The following NR3C2 variants were observed in gnomAD, a reference collection of about 807,000 sequenced individuals.
NR3C2 encodes nuclear receptor subfamily 3 group C member 2.
NR3C2 carries 15 observed loss-of-function variants against 86.4 expected under a neutral mutation model. The observed-to-expected ratio is 0.17, with a 90% CI of 0.12 to 0.27. The LOEUF (loss-of-function observed/expected upper bound fraction) is 0.27. Among genes scored for constraint, NR3C2 ranks in the 10% least tolerant of loss-of-function variants. The probability of loss-of-function intolerance (pLI) is 1.00; values close to 1 mark genes in which losing one functional copy is unlikely to be tolerated. For synonymous variants in NR3C2, 458 were observed against 450.5 expected, an observed-to-expected ratio of 1.02 and a Z score of -0.21; for missense variants, 960 against 1,195.6, an observed-to-expected ratio of 0.80 and a Z score of 2.91.
chr4:148,093,597 C>T (rs576619492), intron 8 of NR3C2, among the ~76,000 whole-genome samples: 4 of 152,178 alleles, frequency 2.6e-5, no homozygotes, highest in Non-Finnish European at 2.9e-5. Context: ...TTTTAGTCAG[C>T]GATATGTTGG....
At chr4:148,345,071 A>G (rs1292859460) in intron 2 of NR3C2, among the ~76,000 whole-genome samples, 1 of 152,108 alleles carries the variant, frequency 6.6e-6, no homozygotes, top group African/African-American at 2.4e-5. Context: ...CAAAATCTCA[A>G]TTTGCTTTGC....
At chr4:148,145,607 CCAGA>C (rs1347844858) in intron 6 of NR3C2, among the ~76,000 whole-genome samples, 1 of 152,154 alleles carries the variant, frequency 6.6e-6, no homozygotes, top group Non-Finnish European at 1.5e-5. Context: ...TGCTGCAGAC[CCAGA>C]CAGATTCCCC....
intron 2 of NR3C2, among the ~76,000 whole-genome samples, chr4:148,345,367 C>T (rs1744937941): frequency 6.6e-6 from 1 of 151,712 alleles, no homozygotes; most frequent in African/African-American, 2.4e-5. Context: ...TTGTATTTCT[C>T]TATTGTAGAC....
At chr4:148,336,540 TG>T (rs1381561412) in intron 2 of NR3C2, among the ~76,000 whole-genome samples, 3 of 152,102 alleles carry the variant, frequency 2.0e-5, no homozygotes, top group African/African-American at 7.2e-5. Flanking sequence ...AGAGCATAAT[TG>T]GGGGCCTACA....
At chr4:148,445,300 T>A (rs1240426489), upstream of NR3C2, among the ~76,000 whole-genome samples, 2 of 151,158 alleles carry the variant, frequency 1.3e-5, no homozygotes, top group African/African-American at 4.9e-5. Context: ...TTCCTGCTCC[T>A]CGGCTGCCCA....
intron 8 of NR3C2, among the ~76,000 whole-genome samples, chr4:148,090,752 T>A (rs2149709368): frequency 6.6e-6 from 1 of 152,264 alleles, no homozygotes; most frequent in South Asian, 2.1e-4. Context: ...CACTACTCAA[T>A]AACAATGCAT....
intron 4 of NR3C2, among the ~76,000 whole-genome samples, chr4:148,160,547 T>A (rs1057421792): frequency 3.9e-5 from 6 of 152,032 alleles, no homozygotes; most frequent in Non-Finnish European, 4.4e-5. Flanking sequence ...TGGAGTATAG[T>A]AAAAGAGTGA....
intron 6 of NR3C2, among the ~76,000 whole-genome samples, chr4:148,134,687 C>T (rs187344001): frequency 2.3e-4 from 26 of 114,934 alleles, no homozygotes; most frequent in African/African-American, 6.5e-4. Context: ...CTCGCTCTAT[C>T]GCCCAGGCTG....
At chr4:148,368,071 A>G (rs1339374935) in intron 2 of NR3C2, among the ~76,000 whole-genome samples, 3 of 151,860 alleles carry the variant, frequency 2.0e-5, no homozygotes, top group African/African-American at 4.8e-5. Flanking sequence ...CATCAGTTCC[A>G]TATCTCCCTA....
chr4:148,162,961 G>T (rs6810951), intron 4 of NR3C2, among the ~76,000 whole-genome samples: 50,769 of 152,088 alleles, frequency 0.33, 9,279 homozygotes, highest in East Asian at 0.52. Flanking sequence ...AAAGACTGCG[G>T]TTGACTTATT....
In NR3C2 at chr4:148,265,870, G is replaced by C. The variant is rs537251559; in HGVS notation, c.1758-5753C>G. ...CTGAAAGTCTACGGTGGGCCCCACT[G>C]TTCTAAGCACTGAGAAAAACTAGAA... On this transcript the variant is annotated intron_variant, in intron 2 of 8. Coordinates refer to ENST00000358102, the MANE Select transcript of NR3C2 (RefSeq NM_000901.5). Among the ~76,000 whole-genome samples the C allele has an allele frequency of 7.2e-5, 11 of 152,184 alleles. No individual in the cohort carries two copies. The South Asian group carries it at 2.3e-3, about 32-fold the overall frequency.
At chr4:148,353,246 T>A (rs1347128088) in intron 2 of NR3C2, among the ~76,000 whole-genome samples, 1 of 151,898 alleles carries the variant, frequency 6.6e-6, no homozygotes, top group Non-Finnish European at 1.5e-5. Flanking sequence ...TACAGTTAAA[T>A]TAATTTCAAA....
chr4:148,275,618 C>A (rs1042324706), intron 2 of NR3C2, among the ~76,000 whole-genome samples: 1 of 151,966 alleles, frequency 6.6e-6, no homozygotes, highest in African/African-American at 2.4e-5. Context: ...TTAATACAGA[C>A]GGGGTTTCAC....
At chr4:148,192,707 C>T (rs183612092) in intron 4 of NR3C2, among the ~76,000 whole-genome samples, 424 of 151,956 alleles carry the variant, frequency 2.8e-3, no homozygotes, top group Non-Finnish European at 4.5e-3. Context: ...AGTTGTGTAC[C>T]AAGGAGGATT....
chr4:148,301,825 C>T (rs566217161), intron 2 of NR3C2, among the ~76,000 whole-genome samples: 2 of 152,232 alleles, frequency 1.3e-5, no homozygotes, highest in East Asian at 3.9e-4. Flanking sequence ...CCCCGGAGCA[C>T]CATGAAGAAA....
At chr4:148,254,181 A>C (rs1403342640) in intron 3 of NR3C2, among the ~76,000 whole-genome samples, 3 of 152,180 alleles carry the variant, frequency 2.0e-5, no homozygotes, top group African/African-American at 7.2e-5. Context: ...AGTATACCTC[A>C]CAACAGCCAG....
chr4:148,423,076 T>C (rs553945893), intron 2 of NR3C2, among the ~76,000 whole-genome samples: 1 of 152,198 alleles, frequency 6.6e-6, no homozygotes, highest in East Asian at 1.9e-4. Context: ...TCTCTAGTAT[T>C]TACCTCTCGC....
At chr4:148,194,931 C>T (rs1736372242) in intron 3 of NR3C2, 69 bp from the exon 4 acceptor site, 1 of 1,111,776 alleles carries the variant, frequency 9.0e-7, no homozygotes, top group Non-Finnish European at 1.3e-6. Flanking sequence ...TATGTATACT[C>T]AGAATATAAA....
chr4:148,202,778 TC>T (rs1560975472), intron 3 of NR3C2, among the ~76,000 whole-genome samples: 2 of 152,014 alleles, frequency 1.3e-5, no homozygotes, highest in African/African-American at 4.8e-5. Flanking sequence ...GCCCTAAGGT[TC>T]CCCCCTCATC....
Sources: gnomAD v4.1 joint callset for allele counts (sites outside exome capture counted in the v4.1 genomes callset) on GRCh38, gnomAD v4.1.1 for gene constraint, MANE v1.5 for transcripts, NCBI Gene and HGNC (gene_info 2026-07-23, HGNC 2026-07-21) for gene names.